The following SH3YL1 variants were observed in gnomAD, a reference collection of about 807,000 sequenced individuals.
SH3YL1 encodes the protein SH3 domain-containing YSC84-like protein 1.
A neutral mutation model predicts 45.8 loss-of-function variants in SH3YL1; 41 were observed. That is an observed-to-expected ratio of 0.89 (90% CI 0.70 to 1.16). The LOEUF is 1.16. SH3YL1 is among the 50% of genes most tolerant of loss of function. The pLI, the probability that SH3YL1 is intolerant of heterozygous loss-of-function variation, is 0.00. For synonymous variants in SH3YL1, 152 were observed against 151.4 expected (o/e 1.00, Z -0.03); for missense variants, 389 against 409.6 (o/e 0.95, Z 0.43).
chr2:243,706 A>G, intron 4 of SH3YL1: 1 of 914,810 alleles, frequency 1.1e-6, no homozygotes, highest in Non-Finnish European at 1.6e-6. Flanking sequence ...TCTTCCCCGG[A>G]AGAACATTTG....
intron 6 of SH3YL1, among the ~76,000 whole-genome samples, chr2:231,742 G>T (rs188726070): frequency 2.0e-5 from 3 of 152,180 alleles, no homozygotes; most frequent in Non-Finnish European, 2.9e-5. Flanking sequence ...GCCTGCCAAC[G>T]GGCTCGAACC....
At chr2:246,800 GAATA>G (rs146152395) in intron 4 of SH3YL1, among the ~76,000 whole-genome samples, 2,095 of 152,196 alleles carry the variant, frequency 0.014, 56 homozygotes, top group East Asian at 0.11. Context: ...AAGAAAGATT[GAATA>G]AAGATGAAAA....
intron 1 of SH3YL1, among the ~76,000 whole-genome samples, chr2:253,760 C>G (rs539258319): frequency 4.0e-4 from 61 of 152,270 alleles, no homozygotes; most frequent in African/African-American, 1.3e-3. Flanking sequence ...TGGACTTGCC[C>G]TGAGTTCTTT....
intron 4 of SH3YL1, among the ~76,000 whole-genome samples, chr2:237,925 G>T (rs1208246987): frequency 6.6e-6 from 1 of 152,162 alleles, no homozygotes. Flanking sequence ...GCCATGCAGG[G>T]GAAGCTGCGG....
intron 4 of SH3YL1, 95 bp from the exon 5 acceptor site, chr2:234,367 T>A (rs1379578506): frequency 2.5e-6 from 2 of 811,650 alleles, no homozygotes; most frequent in African/African-American, 3.5e-5. Context: ...ATATGCACTG[T>A]AGCAAAACAT....
At chr2:244,200 G>A (rs974338897) in intron 4 of SH3YL1, among the ~76,000 whole-genome samples, 3 of 131,916 alleles carry the variant, frequency 2.3e-5, no homozygotes, top group African/African-American at 7.9e-5. Context: ...TACAAGTTTT[G>A]TAAAAAAAAA....
At chr2:221,695 T>C (rs1359253480) in intron 9 of SH3YL1, among the ~76,000 whole-genome samples, 1 of 152,094 alleles carries the variant, frequency 6.6e-6, no homozygotes, top group Non-Finnish European at 1.5e-5. Flanking sequence ...TGTGCCCAAT[T>C]CCTCACCCAA....
At chr2:219,462 C>A (rs1572134673) in intron 9 of SH3YL1, among the ~76,000 whole-genome samples, 1 of 152,112 alleles carries the variant, frequency 6.6e-6, no homozygotes, top group East Asian at 1.9e-4. Flanking sequence ...CACCTTCCTC[C>A]TTGTGAGGAC....
intron 8 of SH3YL1, among the ~76,000 whole-genome samples, chr2:226,016 T>C (rs1558233965): frequency 1.3e-5 from 2 of 152,142 alleles, no homozygotes; most frequent in Admixed American, 6.5e-5. Context: ...TAGAATTGTA[T>C]ATTGGGGAGG....
intron 2 of SH3YL1, among the ~76,000 whole-genome samples, chr2:250,063 A>G (rs1669013359): frequency 6.6e-6 from 1 of 152,238 alleles, no homozygotes; most frequent in South Asian, 2.1e-4. Flanking sequence ...TGCTAAACAC[A>G]ACATCATAAA....
rs1165690702 is a variant in SH3YL1, at chr2:243,528, CA to C, written c.291+4009del. 3.2e-6 allele frequency: 5 copies of C among 1,541,302 alleles called. No homozygotes were observed. In the African/African-American group the frequency reaches 6.9e-5, roughly 21 times the overall value. On this transcript the variant is annotated intron_variant, in intron 4 of 9. Coordinates refer to ENST00000356150, the MANE Select transcript of SH3YL1 (RefSeq NM_015677.4). ...CCACACTTATGGAAGGCAGCCAGGGCAATGCTCAGAGGGAATATGTAGCTGT... is the reference window on the plus strand; with the variant it reads ...CCACACTTATGGAAGGCAGCCAGGGCATGCTCAGAGGGAATATGTAGCTGT...
chr2:247,643 AC>A, intron 3 of SH3YL1, 41 bp from the exon 4 acceptor site: 1 of 1,464,898 alleles, frequency 6.8e-7, no homozygotes, highest in East Asian at 2.5e-5. Context: ...ACATTAAAAC[AC>A]CCTCGACATG....
chr2:237,770 C>T (rs1176087684), intron 4 of SH3YL1, among the ~76,000 whole-genome samples: 3 of 151,722 alleles, frequency 2.0e-5, no homozygotes, highest in African/African-American at 7.3e-5. Flanking sequence ...AAATTGTATG[C>T]ATGTATTAAA....
intron 6 of SH3YL1, among the ~76,000 whole-genome samples, 174 bp from the exon 7 acceptor site, chr2:231,365 G>A (rs968762085): frequency 6.6e-6 from 1 of 152,002 alleles, no homozygotes; most frequent in African/African-American, 2.4e-5. Context: ...AGTCTTAAAT[G>A]TACCCCAAAG....
intron 9 of SH3YL1, 34 bp downstream of exon 9, chr2:224,830 G>T (rs1667725698): frequency 1.4e-6 from 2 of 1,455,176 alleles, no homozygotes; most frequent in Admixed American, 1.7e-5. Context: ...AAATGAATAT[G>T]AATCATTTAT....
Position 249,791 on chromosome 2 carries a change from C to T in SH3YL1, c.166G>A (p.Gly56Arg), listed in dbSNP as rs369843102. Residue 56 changes from glycine (G) to arginine (R), a missense_variant, in exon 3 of 10, where the codon GGG (glycine) becomes AGG (arginine). Coordinates refer to ENST00000356150, the MANE Select transcript of SH3YL1 (RefSeq NM_015677.4). ...CCTCCTCTGGCAGTCACCAGGAACC[C>T]GGCTTTGATCACAGACAGAATTGCA... Reference protein sequence around the residue: ...GLAILSVIKAGFLVTARGGSG... With the variant: ...GLAILSVIKARFLVTARGGSG... 9 of 1,551,882 alleles carry T rather than the reference C, an allele frequency of 5.8e-6. No homozygotes were observed. The highest frequency in any genetic ancestry group is 3.9e-5 in the Admixed American group (2 of 50,988).
chr2:264,533 A>C, upstream of SH3YL1: 1 of 181,904 alleles, frequency 5.5e-6, no homozygotes, highest in Non-Finnish European at 1.1e-5. Context: ...CCCTATAGGT[A>C]ACCTTTACCT....
At chr2:219,055 G>C (rs2103013398) in intron 9 of SH3YL1, 54 bp from the exon 10 acceptor site, 1 of 1,445,060 alleles carries the variant, frequency 6.9e-7, no homozygotes, top group Non-Finnish European at 9.4e-7. Context: ...GAAATTGGGG[G>C]TATCTGCTGG....
rs192562673 is a variant in SH3YL1 at position 245,598 on chromosome 2, T to C, written c.291+1940A>G. Among the ~76,000 whole-genome samples, 179 of 152,290 alleles carry C rather than the reference T, an allele frequency of 1.2e-3. 3 individuals carry two copies. Among genetic ancestry groups the C allele is most frequent in the Non-Finnish European group, 3.2e-4 (22 of 68,030 alleles). ...GGTGTGGAGAAGAAAAGCTACTTCC[T>C]AACATCACAGACTGGAAGCACCCAG... On this transcript the variant is annotated intron_variant, in intron 4 of 9. Coordinates refer to ENST00000356150, the MANE Select transcript of SH3YL1 (RefSeq NM_015677.4).
Sources: allele counts gnomAD v4.1 joint callset (sites outside exome capture counted in the v4.1 genomes callset), GRCh38; gene constraint gnomAD v4.1.1; transcripts MANE v1.5; gene names NCBI Gene and HGNC (gene_info 2026-07-23, HGNC 2026-07-21).